SMYD3: variants seen among roughly 807,000 people sequenced by gnomAD.
The protein encoded by SMYD3 is SET and MYND domain containing 3.
In SMYD3, 36 loss-of-function variants were observed where a neutral mutation model predicts 57.7. The ratio of observed to expected loss-of-function variants is 0.62; its 90% CI spans 0.48 to 0.82. The LOEUF (loss-of-function observed/expected upper bound fraction) is 0.82, where lower values mean the gene tolerates loss of function less well. Among genes scored for constraint, SMYD3 ranks in the 40% least tolerant of loss-of-function variants. The pLI is 0.00. For missense variants in SMYD3, 515 were observed against 538.8 expected (o/e 0.96, Z 0.44); for synonymous variants, 211 against 195.0 (o/e 1.08, Z -0.68).
intron 5 of SMYD3, among the ~76,000 whole-genome samples, chr1:245,964,400 A>G (rs1361652559): frequency 6.6e-6 from 1 of 152,194 alleles, no homozygotes. Context: ...CCCATTCACA[A>G]TTCTTTTTAC....
chr1:246,077,894 A>T (rs142650344), intron 5 of SMYD3, among the ~76,000 whole-genome samples: 2 of 152,138 alleles, frequency 1.3e-5, no homozygotes, highest in East Asian at 3.9e-4. Flanking sequence ...TAAAAAGAAA[A>T]CAATCGTTTG....
intron 10 of SMYD3, among the ~76,000 whole-genome samples, chr1:245,808,670 G>A (rs543480040): frequency 6.6e-6 from 1 of 152,272 alleles, no homozygotes; most frequent in East Asian, 1.9e-4. Context: ...TCTCCATTGA[G>A]GCTGCAGTGT....
At chr1:245,858,731 G>T (rs2051383495) in intron 9 of SMYD3, 61 bp from the exon 10 acceptor site, 2 of 1,551,146 alleles carry the variant, frequency 1.3e-6, no homozygotes, top group Non-Finnish European at 1.8e-6. Context: ...AACAAAATTA[G>T]ATTCTCTAAA....
At chr1:245,884,019 T>C (rs1353355777) in intron 8 of SMYD3, among the ~76,000 whole-genome samples, 1 of 152,214 alleles carries the variant, frequency 6.6e-6, no homozygotes, top group Non-Finnish European at 1.5e-5. Context: ...TACAGGGATA[T>C]CCAGGTCAGA....
At chr1:246,114,748 C>T (rs1000856404) in intron 5 of SMYD3, among the ~76,000 whole-genome samples, 2 of 152,140 alleles carry the variant, frequency 1.3e-5, no homozygotes, top group Non-Finnish European at 2.9e-5. Flanking sequence ...CTTGTGCCTC[C>T]GTTTCCCGAG....
intron 10 of SMYD3, among the ~76,000 whole-genome samples, chr1:245,773,091 A>T (rs1263921232): frequency 1.7e-4 from 8 of 46,884 alleles, no homozygotes; most frequent in Admixed American, 1.2e-3. Context: ...GAGAATCACT[A>T]AAAAAAAAAA....
chr1:245,941,323 T>TA (rs2057235826), intron 5 of SMYD3, among the ~76,000 whole-genome samples: 2 of 152,030 alleles, frequency 1.3e-5, no homozygotes, highest in African/African-American at 4.8e-5. Flanking sequence ...GGAACCCCAG[T>TA]AAGATACTCC....
chr1:245,977,415 A>G (rs2058474963), intron 5 of SMYD3, among the ~76,000 whole-genome samples: 1 of 152,222 alleles, frequency 6.6e-6, no homozygotes, highest in Non-Finnish European at 1.5e-5. Context: ...ACGGTGGCTC[A>G]CACCTGTAAT....
intron 2 of SMYD3, among the ~76,000 whole-genome samples, chr1:246,339,077 G>A (rs1235796107): frequency 3.3e-5 from 5 of 152,130 alleles, no homozygotes; most frequent in South Asian, 2.1e-4. Flanking sequence ...CAAAGAGCTC[G>A]TTTTTACATA....
chr1:245,910,453 C>T (rs2054885932), intron 8 of SMYD3, among the ~76,000 whole-genome samples: 1 of 151,996 alleles, frequency 6.6e-6, no homozygotes. Flanking sequence ...TCCGGAAATT[C>T]ATATGGAACA....
intron 10 of SMYD3, among the ~76,000 whole-genome samples, chr1:245,781,197 A>C (rs2046813677): frequency 6.6e-6 from 1 of 152,188 alleles, no homozygotes; most frequent in African/African-American, 2.4e-5. Context: ...AACTTCTAAA[A>C]CTCAGAACTG....
chr1:246,268,933 C>G (rs2064163812), intron 5 of SMYD3, among the ~76,000 whole-genome samples: 1 of 148,674 alleles, frequency 6.7e-6, no homozygotes, highest in Non-Finnish European at 1.5e-5. Flanking sequence ...ATAAAATGAT[C>G]CAAACTTCAT....
intron 1 of SMYD3, among the ~76,000 whole-genome samples, chr1:246,492,276 G>A (rs1220101950): frequency 1.3e-5 from 2 of 152,188 alleles, no homozygotes; most frequent in Middle Eastern, 3.4e-3. Context: ...TGATGCCTGC[G>A]TCCCACCTCC....
At chr1:246,358,836 A>T (rs1275076138) in intron 1 of SMYD3, among the ~76,000 whole-genome samples, 1 of 152,236 alleles carries the variant, frequency 6.6e-6, no homozygotes, top group Non-Finnish European at 1.5e-5. Flanking sequence ...GAAAGTTCGG[A>T]GCATTAAATG....
intron 5 of SMYD3, among the ~76,000 whole-genome samples, chr1:246,277,076 A>G (rs1009655655): frequency 6.6e-6 from 1 of 152,260 alleles, no homozygotes; most frequent in Non-Finnish European, 1.5e-5. Context: ...TAAAGTGATT[A>G]GCACATGGTA....
At chr1:245,870,225 C>A (rs1216208686) in intron 8 of SMYD3, among the ~76,000 whole-genome samples, 1 of 152,200 alleles carries the variant, frequency 6.6e-6, no homozygotes, top group East Asian at 1.9e-4. Flanking sequence ...TCACAGCACA[C>A]GTCTACCTTG....
At chr1:245,998,291 AT>A (rs1558569862) in intron 5 of SMYD3, among the ~76,000 whole-genome samples, 1 of 152,134 alleles carries the variant, frequency 6.6e-6, no homozygotes, top group Non-Finnish European at 1.5e-5. Context: ...ATGAAACTTC[AT>A]TTTCTGAGCT....
Position 246,020,169 on chromosome 1 carries a change from AG to A in SMYD3, c.532-90233del, listed in dbSNP as rs2059447318. ...CATCTATTTCTGCCACCATTGCACA[AG>A]AACACAGCAGACTGCTGACTGCAAT... On this transcript the variant is annotated intron_variant, in intron 5 of 11. Transcript: ENST00000490107. Among the ~76,000 whole-genome samples, 6 of 152,328 alleles carry A rather than the reference AG, an allele frequency of 3.9e-5. No homozygotes were observed. The South Asian group carries it at 1.0e-3, about 26-fold the overall frequency.
At chr1:246,411,411 G>A (rs1374787296) in intron 1 of SMYD3, among the ~76,000 whole-genome samples, 1 of 152,198 alleles carries the variant, frequency 6.6e-6, no homozygotes, top group Non-Finnish European at 1.5e-5. Flanking sequence ...GTGGAAGTCA[G>A]TGTGGCGATT....
Sources: gnomAD v4.1 joint callset for allele counts (sites outside exome capture counted in the v4.1 genomes callset) on GRCh38, gnomAD v4.1.1 for gene constraint, MANE v1.5 for transcripts, NCBI Gene and HGNC (gene_info 2026-07-23, HGNC 2026-07-21) for gene names.